VSTM4: variants seen among roughly 807,000 people sequenced by gnomAD.
The protein encoded by VSTM4 is V-set and transmembrane domain containing 4, also known as V-set and transmembrane domain-containing protein 4.
Under a neutral mutation model 36.4 loss-of-function variants are expected in VSTM4, and 20 were observed. That is an observed-to-expected ratio of 0.55 (90% CI 0.39 to 0.80). VSTM4 has a LOEUF of 0.80. Among genes scored for constraint, VSTM4 ranks in the 30% least tolerant of loss-of-function variants. VSTM4 has a pLI of 0.00. For synonymous variants in VSTM4, 182 were observed against 173.9 expected, an observed-to-expected ratio of 1.05 and a Z score of -0.37; for missense variants, 392 against 404.5, an observed-to-expected ratio of 0.97 and a Z score of 0.26.
rs890128275 is a variant in VSTM4 at position 49,019,032 on chromosome 10, G to C, written c.*618C>G. 4 of 152,302 alleles carry C rather than the reference G, an allele frequency of 2.6e-5. No individual in the cohort carries two copies. Among genetic ancestry groups the C allele is most frequent in the African/African-American group, 9.7e-5 (4 of 41,450 alleles). The allele number at this position is 152,302 out of a possible 1,614,324, so 9.4% of individuals were successfully genotyped here. On this transcript the variant is annotated 3_prime_UTR_variant, in exon 8 of 8. Transcript: ENST00000332853. ...TGCGGCCTCAGGGTCTCATAGGTGG[G>C]CACCATGGCATTCAGAGACAGACCT...
At position 49,066,361 on chromosome 10, in the gene VSTM4, G is replaced by T. The variant is rs184200138; in HGVS notation, c.635-1625C>A. ...CTAGGCAACTAAATCTTTCACAAGG[G>T]GGGGATGTTTCTAATACTTTGCTTT... On this transcript the variant is annotated intron_variant, in intron 4 of 7. Transcript: ENST00000332853. Among the ~76,000 whole-genome samples, 4 of 152,290 alleles carry T rather than the reference G, an allele frequency of 2.6e-5. No homozygotes were observed. The East Asian group carries it at 7.7e-4, about 29-fold the overall frequency.
chr10:49,083,774 G>T (rs979541697), intron 3 of VSTM4, among the ~76,000 whole-genome samples: 4 of 152,166 alleles, frequency 2.6e-5, no homozygotes, highest in African/African-American at 9.7e-5. Flanking sequence ...GGGTATGTTG[G>T]GTCTAAATGC....
chr10:49,113,759 T>C (rs890591227), intron 1 of VSTM4, among the ~76,000 whole-genome samples: 1 of 151,974 alleles, frequency 6.6e-6, no homozygotes, highest in African/African-American at 2.4e-5. Context: ...TACTTATGTA[T>C]AAAATGGGTC....
rs1843143736 is a variant in VSTM4 at position 49,019,195 on chromosome 10, GAAAAC to G, written c.*450_*454del. The G allele has an allele frequency of 6.6e-6, 1 of 152,356 alleles. No individual in the cohort carries two copies. Among genetic ancestry groups the G allele is most frequent in the South Asian group, 2.1e-4 (1 of 4,832 alleles). 9.4% of individuals were successfully genotyped at this position (152,356 alleles called of 1,614,324 possible). ...CCCTGGCAATGCCATCTGATCCTTG[GAAAAC>G]CAACATATGTGCCATCTTACAGTTG... On this transcript the variant is annotated 3_prime_UTR_variant, in exon 8 of 8. Transcript: ENST00000332853.
At position 49,077,330 on chromosome 10, in the gene VSTM4, A is replaced by C; in HGVS notation, c.527-4T>G. On this transcript the variant is annotated splice_polypyrimidine_tract_variant and splice_region_variant and intron_variant, in intron 3 of 7. Coordinates refer to ENST00000332853, the MANE Select transcript of VSTM4 (RefSeq NM_001031746.5). ...AGGACAGCATACACATAGAGATCTGAAAGGCAAGGACAGACACGTGAGTCA... is the reference window on the plus strand; with the variant it reads ...AGGACAGCATACACATAGAGATCTGCAAGGCAAGGACAGACACGTGAGTCA... 1.9e-6 allele frequency: 3 copies of C among 1,614,178 alleles called. No individual in the cohort carries two copies. The highest frequency in any genetic ancestry group is 2.5e-6 in the Non-Finnish European group (3 of 1,179,996).
At chr10:49,053,151 G>A (rs529605615) in intron 5 of VSTM4, among the ~76,000 whole-genome samples, 156 of 152,198 alleles carry the variant, frequency 1.0e-3, no homozygotes, top group Non-Finnish European at 1.7e-3. Flanking sequence ...ACAGAAAACA[G>A]GCCCGCCCGG....
intron 3 of VSTM4, among the ~76,000 whole-genome samples, chr10:49,080,111 A>G (rs1844253040): frequency 6.6e-6 from 1 of 152,244 alleles, no homozygotes; most frequent in Admixed American, 6.5e-5. Context: ...AGCATTCATG[A>G]ACTTAAACCT....
At chr10:49,074,973 C>T (rs1381355980) in intron 4 of VSTM4, among the ~76,000 whole-genome samples, 2 of 152,206 alleles carry the variant, frequency 1.3e-5, no homozygotes, top group East Asian at 1.9e-4. Context: ...AGCATTGTCG[C>T]TCTCATCCAG....
intron 3 of VSTM4, among the ~76,000 whole-genome samples, 160 bp downstream of exon 3, chr10:49,085,795 C>T (rs1282756182): frequency 1.3e-5 from 2 of 151,806 alleles, no homozygotes; most frequent in African/African-American, 2.4e-5. Context: ...ATGTAAATGA[C>T]GAGTTAATGG....
intron 7 of VSTM4, among the ~76,000 whole-genome samples, chr10:49,044,245 T>C (rs1183457681): frequency 6.6e-6 from 1 of 151,936 alleles, no homozygotes; most frequent in Non-Finnish European, 1.5e-5. Flanking sequence ...CAAGAATAAC[T>C]TGAACCAGGG....
At chr10:49,060,813 C>A (rs1455626954) in intron 5 of VSTM4, among the ~76,000 whole-genome samples, 2 of 152,118 alleles carry the variant, frequency 1.3e-5, no homozygotes, top group Non-Finnish European at 2.9e-5. Flanking sequence ...ATGTTTAGGT[C>A]TAAGATCTAT....
At chr10:49,035,349 G>A (rs1320288912) in intron 7 of VSTM4, among the ~76,000 whole-genome samples, 3 of 152,204 alleles carry the variant, frequency 2.0e-5, no homozygotes, top group African/African-American at 7.2e-5. Context: ...AATCAGTGAT[G>A]CATTAAACAG....
chr10:49,048,823 A>G (rs1393175958), intron 5 of VSTM4, among the ~76,000 whole-genome samples: 3 of 152,208 alleles, frequency 2.0e-5, no homozygotes, highest in African/African-American at 4.8e-5. Context: ...TTGGTGATTT[A>G]TAATGAATGT....
chr10:49,098,104 T>C (rs1844605473), intron 2 of VSTM4, among the ~76,000 whole-genome samples: 1 of 152,154 alleles, frequency 6.6e-6, no homozygotes, highest in Non-Finnish European at 1.5e-5. Context: ...CACCTCCCTG[T>C]TGAAATCATC....
intron 4 of VSTM4, among the ~76,000 whole-genome samples, chr10:49,067,759 G>A (rs918498555): frequency 2.0e-5 from 3 of 152,164 alleles, no homozygotes; most frequent in South Asian, 2.1e-4. Flanking sequence ...GGCGGCCTCC[G>A]CAACCTAATA....
chr10:49,033,960 T>G (rs1843386220), intron 7 of VSTM4, among the ~76,000 whole-genome samples: 1 of 144,600 alleles, frequency 6.9e-6, no homozygotes, highest in Non-Finnish European at 1.5e-5. Context: ...CCATTACCAT[T>G]ATCACCACCA....
chr10:49,053,401 T>C (rs1843728697), intron 5 of VSTM4, among the ~76,000 whole-genome samples: 1 of 152,148 alleles, frequency 6.6e-6, no homozygotes, highest in Non-Finnish European at 1.5e-5. Context: ...AGTGAACAGG[T>C]GCTGAACAGG....
At chr10:49,056,958 G>A (rs1047242112) in intron 5 of VSTM4, among the ~76,000 whole-genome samples, 1 of 152,106 alleles carries the variant, frequency 6.6e-6, no homozygotes, top group Non-Finnish European at 1.5e-5. Context: ...GAAGCTTCCA[G>A]TCATGGCGGA....
intron 4 of VSTM4, among the ~76,000 whole-genome samples, chr10:49,065,203 A>G (rs1223246867): frequency 6.6e-6 from 1 of 152,008 alleles, no homozygotes. Context: ...TTGGACCAAA[A>G]CCTCCTCCTA....
Sources: allele counts gnomAD v4.1 joint callset (sites outside exome capture counted in the v4.1 genomes callset), GRCh38; gene constraint gnomAD v4.1.1; transcripts MANE v1.5; gene names NCBI Gene and HGNC (gene_info 2026-07-23, HGNC 2026-07-21).